HECW1: variants seen among roughly 807,000 people sequenced by gnomAD.
The protein encoded by HECW1 is E3 ubiquitin-protein ligase HECW1.
HECW1 carries 61 observed loss-of-function variants against 182.3 expected under a neutral mutation model. The observed-to-expected ratio is 0.33, with a 90% CI of 0.27 to 0.41. The LOEUF is 0.41. Ranked by LOEUF, HECW1 falls within the 10% of genes least tolerant of loss-of-function variation. The pLI is 1.00. For synonymous variants in HECW1, 859 were observed against 832.6 expected (o/e 1.03, Z -0.55); for missense variants, 1,739 against 2,108.9 (o/e 0.82, Z 3.44).
intron 2 of HECW1, among the ~76,000 whole-genome samples, chr7:43,224,139 C>T (rs951999682): frequency 2.0e-5 from 3 of 152,230 alleles, no homozygotes; most frequent in Non-Finnish European, 4.4e-5. Flanking sequence ...ATTTTAGTCA[C>T]TGCTGTCTTC....
At position 43,488,410 on chromosome 7, in the gene HECW1, AAGAG is replaced by A. The variant is rs3037087; in HGVS notation, c.3235-3655_3235-3652del. The stretch of plus-strand genomic sequence containing the variant: ...AGGAAGGAAGGAAGGAAATGAAAGA[AAGAG>A]AGAGAGAGAAAGAAAGAAAGAGAAA... On this transcript the variant is annotated intron_variant, in intron 17 of 29. Transcript: ENST00000395891. Among the ~76,000 whole-genome samples, 53 of 125,386 alleles carry A rather than the reference AAGAG, an allele frequency of 4.2e-4. 1 individual carries two copies. Among genetic ancestry groups the A allele is most frequent in the African/African-American group, 1.4e-3 (45 of 32,748 alleles). The allele number at this position is 125,386 out of a possible 152,430, so 82.3% of individuals were successfully genotyped here.
Position 43,360,760 on chromosome 7 carries a change from C to T in HECW1, c.461-126C>T, listed in dbSNP as rs535557571. The T allele has an allele frequency of 5.4e-4, 387 of 715,954 alleles. 2 individuals carry two copies. In the African/African-American group the frequency reaches 5.9e-3, roughly 11 times the overall value. The allele number at this position is 715,954 out of a possible 1,614,324, so 44.4% of individuals were successfully genotyped here. ...GAGGCCACATGAGGAGCATCATTGT[C>T]GAGTGTGGCCTGGCTTGCTCGTGGG... On this transcript the variant is annotated intron_variant, in intron 5 of 29. Transcript: ENST00000395891.
intron 2 of HECW1, among the ~76,000 whole-genome samples, chr7:43,218,053 C>T (rs897194494): frequency 6.6e-6 from 1 of 152,118 alleles, no homozygotes; most frequent in African/African-American, 2.4e-5. Flanking sequence ...TTTAGATTCC[C>T]CTTTGGAGGA....
chr7:43,205,561 G>A (rs547661575), intron 2 of HECW1, among the ~76,000 whole-genome samples: 1 of 152,190 alleles, frequency 6.6e-6, no homozygotes, highest in African/African-American at 2.4e-5. Flanking sequence ...TCTGAATAGA[G>A]TCTGGTCAAG....
chr7:43,156,236 T>G (rs1789869835), intron 2 of HECW1, among the ~76,000 whole-genome samples: 1 of 152,226 alleles, frequency 6.6e-6, no homozygotes, highest in African/African-American at 2.4e-5. Flanking sequence ...GATTTTGGTG[T>G]GCATTAAGTG....
chr7:43,319,694 G>T (rs1486103677), intron 4 of HECW1, among the ~76,000 whole-genome samples: 1 of 139,232 alleles, frequency 7.2e-6, no homozygotes, highest in East Asian at 2.2e-4. Context: ...CCACCTCCTG[G>T]GTTCAAGCGA....
intron 8 of HECW1, among the ~76,000 whole-genome samples, chr7:43,425,225 T>TCA (rs61442575): frequency 0.29 from 43,290 of 147,300 alleles, 6,663 homozygotes; most frequent in Middle Eastern, 0.38. Context: ...ACCAAGACAC[T>TCA]CACACACACA....
intron 2 of HECW1, among the ~76,000 whole-genome samples, chr7:43,176,701 C>T (rs933035713): frequency 1.3e-5 from 2 of 152,224 alleles, no homozygotes; most frequent in African/African-American, 4.8e-5. Context: ...GGGCAGAGTC[C>T]TCTTGACCCA....
At chr7:43,533,697 C>T (rs2081074964) in intron 24 of HECW1, among the ~76,000 whole-genome samples, 1 of 152,156 alleles carries the variant, frequency 6.6e-6, no homozygotes, top group South Asian at 2.1e-4. Context: ...CCACATGTTC[C>T]TGCATCTGCC....
chr7:43,200,918 GGAAGCTTCACAAGGAC>G (rs1448148470), intron 2 of HECW1, among the ~76,000 whole-genome samples: 2 of 152,212 alleles, frequency 1.3e-5, no homozygotes, highest in African/African-American at 4.8e-5. Context: ...CTCGATGGAA[GGAAGCTTCACAAGGAC>G]ATGATCTCAT....
At chr7:43,118,205 G>A (rs543561082) in intron 2 of HECW1, 1 of 152,538 alleles carries the variant, frequency 6.6e-6, no homozygotes, top group Non-Finnish European at 1.5e-5. Flanking sequence ...TTGCACAGAT[G>A]TCAGGGAAAT....
chr7:43,195,619 CTGGACTCAAGCCGA>C (rs2152685981), intron 2 of HECW1, among the ~76,000 whole-genome samples: 1 of 152,250 alleles, frequency 6.6e-6, no homozygotes, highest in East Asian at 1.9e-4. Flanking sequence ...CCAGTAGGAC[CTGGACTCAAGCCGA>C]TGTCCAGACT....
At chr7:43,347,707 G>C (rs572749576) in intron 5 of HECW1, among the ~76,000 whole-genome samples, 2 of 151,886 alleles carry the variant, frequency 1.3e-5, no homozygotes, top group Non-Finnish European at 2.9e-5. Context: ...CTTCTGTGAC[G>C]ATTTTCCTGA....
Position 43,445,034 on chromosome 7 carries a change from A to AG in HECW1, c.1867dup (p.Ala623GlyfsTer52). 1 of 1,568,704 alleles carries AG rather than the reference A, an allele frequency of 6.4e-7. No individual in the cohort carries two copies. On this transcript the variant is annotated frameshift_variant, in exon 11 of 30. Transcript: ENST00000395891. LOFTEE classifies it high-confidence loss of function. ...CTGGAAGAGGACAGAGAAGAGCCCG[A>AG]GGGGGCTACTCCAGGCACGGCGCAC...
At chr7:43,217,989 T>A (rs927188764) in intron 2 of HECW1, among the ~76,000 whole-genome samples, 1 of 152,066 alleles carries the variant, frequency 6.6e-6, no homozygotes, top group African/African-American at 2.4e-5. Flanking sequence ...GGGAGGCCTG[T>A]GGGGTCCACT....
chr7:43,400,699 T>G (rs949444257), intron 7 of HECW1, among the ~76,000 whole-genome samples: 2 of 152,158 alleles, frequency 1.3e-5, no homozygotes, highest in Non-Finnish European at 2.9e-5. Context: ...AAATAGAAAC[T>G]TAGAAAGTCA....
At chr7:43,328,709 A>G (rs1164463562) in intron 5 of HECW1, among the ~76,000 whole-genome samples, 1 of 152,246 alleles carries the variant, frequency 6.6e-6, no homozygotes, top group Non-Finnish European at 1.5e-5. Context: ...AAACAGCCAG[A>G]AAGATATAAC....
chr7:43,482,128 C>G (rs1188182213), intron 17 of HECW1, among the ~76,000 whole-genome samples: 1 of 152,202 alleles, frequency 6.6e-6, no homozygotes, highest in Non-Finnish European at 1.5e-5. Flanking sequence ...CCCATCCTCT[C>G]TCTTCTGGTA....
intron 2 of HECW1, among the ~76,000 whole-genome samples, chr7:43,233,205 TA>T (rs533420469): frequency 6.6e-6 from 1 of 152,054 alleles, no homozygotes; most frequent in African/African-American, 2.4e-5. Flanking sequence ...CAACAGTTAC[TA>T]AAAAAAATCA....
Sources: allele counts gnomAD v4.1 joint callset (sites outside exome capture counted in the v4.1 genomes callset), GRCh38; gene constraint gnomAD v4.1.1; transcripts MANE v1.5; gene names NCBI Gene and HGNC (gene_info 2026-07-23, HGNC 2026-07-21).